The following CUL4A variants were observed in gnomAD, a reference collection of about 807,000 sequenced individuals.
CUL4A encodes cullin-4A.
CUL4A carries 16 observed loss-of-function variants against 95.5 expected under a neutral mutation model. The observed-to-expected ratio is 0.17, with a 90% confidence interval of 0.11 to 0.25. CUL4A has a LOEUF of 0.25. Among genes scored for constraint, CUL4A ranks in the 10% least tolerant of loss-of-function variants. CUL4A has a pLI of 1.00. For synonymous variants in CUL4A, 380 were observed against 353.1 expected, an observed-to-expected ratio of 1.08 and a Z score of -0.85; for missense variants, 610 against 937.0, an observed-to-expected ratio of 0.65 and a Z score of 4.56.
chr13:113,231,116 T>C (rs1368141027), intron 5 of CUL4A, among the ~76,000 whole-genome samples: 31 of 152,134 alleles, frequency 2.0e-4, no homozygotes, highest in Admixed American at 1.8e-3. Context: ...ATAACTGTCA[T>C]ACAAACTATA....
chr13:113,219,579 TG>T (rs1162450057), intron 3 of CUL4A: 2 of 154,130 alleles, frequency 1.3e-5, no homozygotes, highest in African/African-American at 4.8e-5. Flanking sequence ...CCCTGCCTTC[TG>T]TCCCGTGTTG....
At chr13:113,227,482 G>A (rs1001662252) in intron 3 of CUL4A, among the ~76,000 whole-genome samples, 10 of 152,184 alleles carry the variant, frequency 6.6e-5, no homozygotes, top group East Asian at 1.9e-4. Flanking sequence ...CACCATTACC[G>A]TAGAGTGAGA....
intron 14 of CUL4A, 26 bp downstream of exon 14, chr13:113,245,263 G>A (rs746079980): frequency 1.6e-5 from 26 of 1,607,276 alleles, no homozygotes; most frequent in South Asian, 6.6e-5. Context: ...TAGGTAAAGC[G>A]GCTTTTTAAA....
At chr13:113,214,229 T>C (rs1223842363) in intron 2 of CUL4A, among the ~76,000 whole-genome samples, 2 of 152,192 alleles carry the variant, frequency 1.3e-5, no homozygotes, top group Non-Finnish European at 2.9e-5. Flanking sequence ...TTGTTTCTGT[T>C]TGTTACTTTG....
chr13:113,241,018 A>G (rs1017889823), intron 10 of CUL4A, among the ~76,000 whole-genome samples: 5 of 152,232 alleles, frequency 3.3e-5, no homozygotes, highest in African/African-American at 1.2e-4. Context: ...TAAAGCTTAC[A>G]TGCTGCTTTA....
chr13:113,239,250 A>G (rs1358511198), intron 9 of CUL4A, among the ~76,000 whole-genome samples, 183 bp from the exon 10 acceptor site: 1 of 152,238 alleles, frequency 6.6e-6, no homozygotes, highest in Non-Finnish European at 1.5e-5. Context: ...AATGAGGTTC[A>G]CCTAATAGGA....
chr13:113,238,054 T>C (rs75823651), intron 9 of CUL4A, among the ~76,000 whole-genome samples: 2,883 of 152,270 alleles, frequency 0.019, 30 homozygotes, highest in Middle Eastern at 0.027. Flanking sequence ...TTCTGCTTAT[T>C]CCACACTGAA....
chr13:113,224,020 C>T (rs566507646), intron 3 of CUL4A, among the ~76,000 whole-genome samples: 2 of 152,294 alleles, frequency 1.3e-5, no homozygotes, highest in African/African-American at 4.8e-5. Flanking sequence ...GGACCACGTG[C>T]CACCCAGCCA....
chr13:113,209,012 C>A, upstream of CUL4A: 1 of 820,554 alleles, frequency 1.2e-6, no homozygotes, highest in Non-Finnish European at 1.5e-6. Flanking sequence ...CCTGGCTGGG[C>A]CAGGGCCTCG....
intron 5 of CUL4A, chr13:113,229,776 G>A: frequency 2.1e-6 from 1 of 482,572 alleles, no homozygotes; most frequent in Non-Finnish European, 3.6e-6. Context: ...GAAGACAGAG[G>A]GTCTTGGTTT....
intron 2 of CUL4A, among the ~76,000 whole-genome samples, chr13:113,210,861 C>G (rs1373245118): frequency 1.3e-5 from 2 of 152,176 alleles, no homozygotes; most frequent in Non-Finnish European, 2.9e-5. Flanking sequence ...AAAAAGAAGA[C>G]TTCAATCACC....
intron 10 of CUL4A, 69 bp from the exon 11 acceptor site, chr13:113,242,899 G>A: frequency 8.4e-7 from 1 of 1,189,684 alleles, no homozygotes. Flanking sequence ...CTGATTATAT[G>A]ATAGCAGGAG....
chr13:113,208,583 C>T, upstream of CUL4A: 3 of 1,607,312 alleles, frequency 1.9e-6, no homozygotes, highest in East Asian at 2.2e-5. Context: ...CCGCGCGCTC[C>T]CCGGCTAGGA....
chr13:113,220,751 C>G (rs1022789088), intron 3 of CUL4A, among the ~76,000 whole-genome samples: 1 of 152,182 alleles, frequency 6.6e-6, no homozygotes, highest in African/African-American at 2.4e-5. Context: ...GCCATCAGTT[C>G]ACTCACTGCA....
intron 18 of CUL4A, among the ~76,000 whole-genome samples, chr13:113,257,948 T>A (rs2042171494): frequency 6.6e-6 from 1 of 152,212 alleles, no homozygotes; most frequent in South Asian, 2.1e-4. Context: ...ATCAAATTCA[T>A]ATAGGTCAGT....
intron 18 of CUL4A, among the ~76,000 whole-genome samples, chr13:113,256,709 T>C (rs2042128560): frequency 6.6e-6 from 1 of 152,180 alleles, no homozygotes; most frequent in Non-Finnish European, 1.5e-5. Context: ...CCTCAAGTTG[T>C]GAGAATTAAA....
intron 12 of CUL4A, 105 bp from the exon 13 acceptor site, chr13:113,244,839 CAAAAA>C: frequency 1.8e-6 from 1 of 567,552 alleles, no homozygotes. Context: ...GACTCTGTCT[CAAAAA>C]AAAAAAAAAA....
intron 2 of CUL4A, among the ~76,000 whole-genome samples, chr13:113,212,733 C>T (rs898851447): frequency 5.9e-5 from 9 of 152,080 alleles, no homozygotes; most frequent in Admixed American, 2.0e-4. Flanking sequence ...TGCAGTGAGC[C>T]GAGGTTGTGC....
chr13:113,246,169 C>T (rs2041851758), intron 15 of CUL4A, 106 bp downstream of exon 15: 5 of 785,330 alleles, frequency 6.4e-6, no homozygotes, highest in Middle Eastern at 3.6e-4. Context: ...AAAAATAGCC[C>T]ACTCAGTCCA....
Sources: gnomAD v4.1 joint callset for allele counts (sites outside exome capture counted in the v4.1 genomes callset) on GRCh38, gnomAD v4.1.1 for gene constraint, MANE v1.5 for transcripts, NCBI Gene and HGNC (gene_info 2026-07-23, HGNC 2026-07-21) for gene names.